Variants in DLGAP5 observed in about 807,000 individuals in gnomAD.
DLGAP5 encodes DLG associated protein 5, also known as disks large-associated protein 5.
Under a neutral mutation model 99.6 loss-of-function variants are expected in DLGAP5, and 90 were observed. That is an observed-to-expected ratio of 0.90 (90% confidence interval 0.76 to 1.08). DLGAP5 has a LOEUF of 1.08. Among genes scored for constraint, DLGAP5 ranks in the 50% least tolerant of loss-of-function variants. DLGAP5 has a pLI of 0.00. For synonymous variants in DLGAP5, 311 were observed against 321.3 expected, an observed-to-expected ratio of 0.97 and a Z score of 0.34; for missense variants, 1,036 against 983.5, an observed-to-expected ratio of 1.05 and a Z score of -0.71.
chr14:55,188,801 A>G (rs12881608), intron 2 of DLGAP5, 141 bp downstream of exon 2: 1 of 525,608 alleles, frequency 1.9e-6, no homozygotes, highest in Non-Finnish European at 3.2e-6. Flanking sequence ...AAAAAAAAAA[A>G]GGAAAAAGAC....
chr14:55,162,633 A>T (rs1281749359), intron 13 of DLGAP5, among the ~76,000 whole-genome samples: 1 of 119,442 alleles, frequency 8.4e-6, no homozygotes, highest in Admixed American at 7.8e-5. Flanking sequence ...AAAAAAAAAG[A>T]AGAAGAAGAA....
Position 55,152,593 on chromosome 14 carries a change from A to T in DLGAP5, c.2118T>A (p.Asn706Lys), listed in dbSNP as rs15870. ...ACCACACTGGAATTGTACTTACATG[A>T]TTTTCTTCAATTAAATCTGGTAATC... ...CPGLPDLIEENHVVNKTDLKV... is the reference protein window; with the variant it reads ...CPGLPDLIEEKHVVNKTDLKV... The change falls in exon 16 of 19, where the codon AAT (asparagine) becomes AAA (lysine). Residue 706 changes from asparagine to lysine, a missense_variant. Transcript: ENST00000247191. The T allele has an allele frequency of 1.9e-6, 3 of 1,596,974 alleles. No individual in the cohort carries two copies. In the African/African-American group the frequency reaches 4.0e-5, roughly 21 times the overall value.
intron 2 of DLGAP5, among the ~76,000 whole-genome samples, chr14:55,186,156 G>T (rs369570711): frequency 6.6e-6 from 1 of 152,150 alleles, no homozygotes; most frequent in East Asian, 1.9e-4. Flanking sequence ...TGTAATCCCA[G>T]CTACTCAGGA....
At chr14:55,189,935 T>C (rs540912302) in intron 1 of DLGAP5, among the ~76,000 whole-genome samples, 70 of 152,318 alleles carry the variant, frequency 4.6e-4, no homozygotes, top group Admixed American at 7.8e-4. Flanking sequence ...CGAGAAATCC[T>C]GCCTTGGTCT....
intron 18 of DLGAP5, among the ~76,000 whole-genome samples, chr14:55,149,196 C>T (rs965971144): frequency 5.3e-5 from 8 of 152,210 alleles, no homozygotes; most frequent in East Asian, 1.9e-4. Flanking sequence ...TAAAATATTA[C>T]GATTTGGTAA....
chr14:55,154,927 G>T, intron 14 of DLGAP5, 121 bp from the exon 15 acceptor site: 1 of 830,932 alleles, frequency 1.2e-6, no homozygotes, highest in Non-Finnish European at 1.9e-6. Context: ...GTCTGTTAAA[G>T]ACAAATGCCT....
chr14:55,154,920 TG>T, intron 14 of DLGAP5, 114 bp from the exon 15 acceptor site: 2 of 899,156 alleles, frequency 2.2e-6, no homozygotes, highest in Non-Finnish European at 3.3e-6. Context: ...AAATAATGTC[TG>T]TTAAAGACAA....
chr14:55,189,771 A>T (rs1009731635), intron 1 of DLGAP5, among the ~76,000 whole-genome samples: 1 of 152,174 alleles, frequency 6.6e-6, no homozygotes, highest in African/African-American at 2.4e-5. Flanking sequence ...TCACCTAAGA[A>T]GCTCTCCAAA....
chr14:55,182,283 G>T, intron 4 of DLGAP5, 87 bp downstream of exon 4: 1 of 1,127,488 alleles, frequency 8.9e-7, no homozygotes, highest in South Asian at 1.4e-5. Context: ...CATTATGTTT[G>T]AATCTGATAC....
intron 2 of DLGAP5, among the ~76,000 whole-genome samples, chr14:55,184,193 C>T (rs1279105428): frequency 6.6e-6 from 1 of 151,972 alleles, no homozygotes; most frequent in Non-Finnish European, 1.5e-5. Flanking sequence ...GGCACAGTAA[C>T]ACACCTGTAG....
intron 16 of DLGAP5, 54 bp downstream of exon 16, chr14:55,152,536 T>C: frequency 2.2e-6 from 3 of 1,352,092 alleles, no homozygotes; most frequent in Admixed American, 2.4e-5. Flanking sequence ...CTTTCTATAA[T>C]GATATAAACA....
rs1358811626 is a variant in DLGAP5 at position 55,158,647 on chromosome 14, A to G, written c.1748T>C (p.Met583Thr). ...RNRLAAIKNAMRERIRQEECA... is the reference protein window; with the variant it reads ...RNRLAAIKNATRERIRQEECA... Reference sequence around the variant, plus strand: ...TTCTTCCTGCCTAATTCTCTCTCTCATTGCATTTTTTATGGCAGCTAGGCG... The same window carrying G: ...TTCTTCCTGCCTAATTCTCTCTCTCGTTGCATTTTTTATGGCAGCTAGGCG... The change falls in exon 14 of 19, where the codon ATG becomes ACG. Residue 583 changes from methionine (M) to threonine (T), a missense_variant. Transcript: ENST00000247191. 3.1e-6 allele frequency: 5 copies of G among 1,613,866 alleles called. No homozygotes were observed. Among genetic ancestry groups the G allele is most frequent in the Non-Finnish European group, 4.2e-6 (5 of 1,179,846 alleles).
At chr14:55,177,591 G>A (rs2765056) in intron 7 of DLGAP5, among the ~76,000 whole-genome samples, 1 of 151,086 alleles carries the variant, frequency 6.6e-6, no homozygotes, top group Non-Finnish European at 1.5e-5. Flanking sequence ...AGGCTGGAGT[G>A]CAGTCGCGCG....
chr14:55,152,610 C>T lies in DLGAP5; in HGVS notation c.2101G>A (p.Asp701Asn), dbSNP rs1430962037. 6.2e-7 allele frequency: 1 copy of T among 1,602,444 alleles called. No individual in the cohort carries two copies. The highest frequency in any genetic ancestry group is 8.5e-7 in the Non-Finnish European group (1 of 1,175,318). The change falls in exon 16 of 19, where the codon GAT becomes AAT. Residue 701 changes from aspartate (D) to asparagine (N), a missense_variant. Coordinates refer to ENST00000247191, the MANE Select transcript of DLGAP5 (RefSeq NM_014750.5). ...IEDAQCPGLP[D>N]LIEENHVVNK... is the part of the protein sequence containing the mutation. ...CTTACATGATTTTCTTCAATTAAAT[C>T]TGGTAATCCAGGACACTGAGCATCT...
At chr14:55,182,513 C>A in intron 3 of DLGAP5, 81 bp from the exon 4 acceptor site, 2 of 1,233,044 alleles carry the variant, frequency 1.6e-6, no homozygotes. Flanking sequence ...AAATAAAGTT[C>A]CCATTTTAAA....
chr14:55,174,743 T>G (rs1157930224), intron 10 of DLGAP5, among the ~76,000 whole-genome samples: 1 of 151,508 alleles, frequency 6.6e-6, no homozygotes, highest in Non-Finnish European at 1.5e-5. Context: ...CAGGCTGGAG[T>G]GCAGTGGTGC....
chr14:55,179,826 A>G (rs1260917118), intron 6 of DLGAP5, 127 bp from the exon 7 acceptor site: 5 of 709,972 alleles, frequency 7.0e-6, no homozygotes, highest in South Asian at 2.2e-5. Context: ...ATTAAAAGCC[A>G]TATTATAAAA....
intron 15 of DLGAP5, among the ~76,000 whole-genome samples, chr14:55,154,067 C>T (rs1882116298): frequency 6.6e-6 from 1 of 151,908 alleles, no homozygotes; most frequent in African/African-American, 2.4e-5. Context: ...AAAAAACAAA[C>T]AAAAAAATCT....
rs1368705714 is a variant in DLGAP5 at position 55,191,465 on chromosome 14, G to A, written c.-4C>T. ...CCAGCTCTCCAGCACCCACCTACCT[G>A]AGCCACCTTCTAGCGTGAAACCTCA... On this transcript the variant is annotated splice_region_variant and 5_prime_UTR_variant, in exon 1 of 19. Coordinates refer to ENST00000247191, the MANE Select transcript of DLGAP5 (RefSeq NM_014750.5). The A allele has an allele frequency of 6.5e-6, 1 of 153,120 alleles. No individual in the cohort carries two copies. The highest frequency in any genetic ancestry group is 1.5e-5 in the Non-Finnish European group (1 of 68,356). 9.5% of individuals were successfully genotyped at this position (153,120 alleles called of 1,614,324 possible). A position where few individuals can be genotyped will look rare whatever the true frequency, so the allele number is the denominator to read the frequency against.
Sources: gnomAD v4.1 joint callset for allele counts (sites outside exome capture counted in the v4.1 genomes callset) on GRCh38, gnomAD v4.1.1 for gene constraint, MANE v1.5 for transcripts, NCBI Gene and HGNC (gene_info 2026-07-23, HGNC 2026-07-21) for gene names.